The following STON2 variants were observed in gnomAD, a reference collection of about 807,000 sequenced individuals.
STON2 encodes stonin 2, also known as stonin-2.
Under a neutral mutation model 65.7 loss-of-function variants are expected in STON2, and 29 were observed. The ratio of observed to expected loss-of-function variants is 0.44; its 90% CI spans 0.33 to 0.60. The LOEUF (loss-of-function observed/expected upper bound fraction) is 0.60, where lower values mean the gene tolerates loss of function less well. STON2 is among the 20% of genes least tolerant of loss of function. The pLI is 0.03. For missense variants in STON2, 1,054 were observed against 1,118.1 expected, an observed-to-expected ratio of 0.94 and a Z score of 0.82; for synonymous variants, 404 against 414.2, an observed-to-expected ratio of 0.98 and a Z score of 0.30.
intron 4 of STON2, among the ~76,000 whole-genome samples, chr14:81,362,838 T>C (rs549773796): frequency 2.6e-5 from 4 of 152,270 alleles, no homozygotes; most frequent in South Asian, 4.2e-4. Context: ...ATAATTTCAA[T>C]GTGCCAGGCA....
At chr14:81,298,069 G>A (rs1273421176) in intron 5 of STON2, among the ~76,000 whole-genome samples, 1 of 152,116 alleles carries the variant, frequency 6.6e-6, no homozygotes, top group East Asian at 1.9e-4. Flanking sequence ...GATATTTATT[G>A]CCATGCACAT....
At chr14:81,431,860 C>T (rs562689291) in intron 1 of STON2, among the ~76,000 whole-genome samples, 44 of 151,936 alleles carry the variant, frequency 2.9e-4, no homozygotes, top group Middle Eastern at 3.4e-3. Flanking sequence ...CAGGAGAATC[C>T]CTTGAACCTG....
At chr14:81,270,984 C>T (rs1266504449) in intron 6 of STON2, 112 bp from the exon 7 acceptor site, 5 of 1,405,262 alleles carry the variant, frequency 3.6e-6, no homozygotes, top group Non-Finnish European at 3.7e-6. Context: ...CACCCGGCAG[C>T]CTTTCAGAGG....
intron 4 of STON2, among the ~76,000 whole-genome samples, chr14:81,370,113 T>C (rs1898917902): frequency 6.6e-6 from 1 of 152,168 alleles, no homozygotes; most frequent in Non-Finnish European, 1.5e-5. Flanking sequence ...TCTCTATACT[T>C]GTAGAATTGA....
At chr14:81,357,805 G>A (rs1412375965) in intron 4 of STON2, among the ~76,000 whole-genome samples, 14 of 148,884 alleles carry the variant, frequency 9.4e-5, no homozygotes, top group African/African-American at 3.0e-4. Context: ...ACCAAACACC[G>A]CATATTCTCA....
At chr14:81,354,111 A>G (rs1566923205) in intron 4 of STON2, among the ~76,000 whole-genome samples, 1 of 152,214 alleles carries the variant, frequency 6.6e-6, no homozygotes, top group Admixed American at 6.5e-5. Flanking sequence ...TCTAGCTGCT[A>G]AACTCAAAGA....
At chr14:81,356,248 T>G (rs987672723) in intron 4 of STON2, among the ~76,000 whole-genome samples, 2 of 152,162 alleles carry the variant, frequency 1.3e-5, no homozygotes, top group African/African-American at 4.8e-5. Flanking sequence ...AGGCCTTTTC[T>G]GCATCTATTG....
intron 3 of STON2, among the ~76,000 whole-genome samples, chr14:81,385,623 C>T (rs941523806): frequency 1.3e-5 from 2 of 152,182 alleles, no homozygotes; most frequent in African/African-American, 4.8e-5. Flanking sequence ...GGGCGCCATC[C>T]TTCAAGTTCT....
At chr14:81,332,580 T>C (rs2140271533) in intron 4 of STON2, among the ~76,000 whole-genome samples, 1 of 152,342 alleles carries the variant, frequency 6.6e-6, no homozygotes, top group African/African-American at 2.4e-5. Context: ...CTCAGTGCCT[T>C]GAACTTACTG....
At chr14:81,307,693 A>G (rs1896235882) in intron 5 of STON2, among the ~76,000 whole-genome samples, 1 of 152,226 alleles carries the variant, frequency 6.6e-6, no homozygotes, top group African/African-American at 2.4e-5. Flanking sequence ...AGCCTACTCA[A>G]TGTGAAGGAG....
intron 5 of STON2, among the ~76,000 whole-genome samples, chr14:81,319,836 C>T (rs1896758627): frequency 6.6e-6 from 1 of 152,142 alleles, no homozygotes; most frequent in African/African-American, 2.4e-5. Context: ...TTTAATAGAA[C>T]CCCTCCATCC....
chr14:81,374,001 T>A (rs1292381481), intron 3 of STON2, among the ~76,000 whole-genome samples: 1 of 109,598 alleles, frequency 9.1e-6, no homozygotes, highest in African/African-American at 3.7e-5. Context: ...AATAATGCCT[T>A]TTTTTTTTTT....
chr14:81,371,018 T>G lies in STON2; in HGVS notation c.541A>C (p.Ser181Arg), dbSNP rs1417322209. 7 of 1,613,112 alleles carry G rather than the reference T, an allele frequency of 4.3e-6. No individual in the cohort carries two copies. The East Asian group carries it at 1.6e-4, about 36-fold the overall frequency. ...GAGTCAGCCCCAGAAGCCTGGCCACTCGTCTGCTCCTCAGCATTGATGAGC... is the reference window on the plus strand; with the variant it reads ...GAGTCAGCCCCAGAAGCCTGGCCACGCGTCTGCTCCTCAGCATTGATGAGC... Reference protein sequence around the residue: ...LQLINAEEQTSGQASGADSTD... With the variant: ...LQLINAEEQTRGQASGADSTD... Residue 181 changes from serine (S) to arginine (R), a missense_variant, in exon 4 of 8, where the codon AGT (serine) becomes CGT (arginine). By Grantham distance (110) the Ser-to-Arg change is moderately radical. Coordinates refer to ENST00000614646, the MANE Select transcript of STON2 (RefSeq NM_001394390.1).
chr14:81,427,574 T>G (rs1425621597), intron 1 of STON2, among the ~76,000 whole-genome samples: 2 of 152,098 alleles, frequency 1.3e-5, no homozygotes, highest in Non-Finnish European at 2.9e-5. Context: ...CTGGCTGTGT[T>G]GCAGACAGCA....
chr14:81,316,750 G>A lies in STON2; in HGVS notation c.742+7267C>T, dbSNP rs575067847. Among the ~76,000 whole-genome samples, 204 of 152,324 alleles carry A rather than the reference G, an allele frequency of 1.3e-3. 1 individual carries two copies. Among genetic ancestry groups the A allele is most frequent in the African/African-American group, 4.8e-3 (200 of 41,572 alleles). ...AAGAAAGGAGGTTTGGCCGGGCGTGGTGGCTCACGCCTGTAATACCAGCAC... is the reference window on the plus strand; with the variant it reads ...AAGAAAGGAGGTTTGGCCGGGCGTGATGGCTCACGCCTGTAATACCAGCAC... On this transcript the variant is annotated intron_variant, in intron 5 of 7. Transcript: ENST00000614646.
chr14:81,265,218 A>T lies in STON2; in HGVS notation c.*3196T>A, dbSNP rs1894310537. ...TGTATTTTCTTTAGAAGTTATTTAA[A>T]CCTAGTAAAACACTCATTACGTCTA... On this transcript the variant is annotated 3_prime_UTR_variant, in exon 8 of 8. Coordinates refer to ENST00000614646, the MANE Select transcript of STON2 (RefSeq NM_001394390.1). 31 of 984,176 alleles carry T rather than the reference A, an allele frequency of 3.1e-5. No homozygotes were observed. Among genetic ancestry groups the T allele is most frequent in the Non-Finnish European group, 3.7e-5 (31 of 828,814 alleles). 61.0% of individuals were successfully genotyped at this position (984,176 alleles called of 1,614,324 possible). A position where few individuals can be genotyped will look rare whatever the true frequency, so the allele number is the denominator to read the frequency against.
In STON2 at chr14:81,270,773, A is replaced by G. The variant is rs775887412; in HGVS notation, c.2681T>C (p.Met894Thr). 3 of 1,614,060 alleles carry G rather than the reference A, an allele frequency of 1.9e-6. No homozygotes were observed. The highest frequency in any genetic ancestry group is 1.7e-5 in the Admixed American group (1 of 60,002). The change falls in exon 7 of 8, where the codon ATG becomes ACG. Residue 894 changes from methionine (M) to threonine (T), a missense_variant. By Grantham distance (81) the Met-to-Thr change is moderately conservative. Coordinates refer to ENST00000614646, the MANE Select transcript of STON2 (RefSeq NM_001394390.1). ...GGCTTTGGAGGCAGAAGTTGTGGGC[A>G]TGCTGAACTCGACATTCACGTGATT... is the stretch of plus-strand genomic sequence containing the variant. The part of the protein sequence containing the change: ...FANHVNVEFS[M>T]PTTSASKASV...
intron 5 of STON2, among the ~76,000 whole-genome samples, chr14:81,289,358 GA>G (rs570184653): frequency 1.7e-3 from 261 of 152,254 alleles, no homozygotes; most frequent in African/African-American, 6.1e-3. Context: ...GCAATAGTTA[GA>G]AGACAGAAAA....
intron 5 of STON2, among the ~76,000 whole-genome samples, chr14:81,294,353 C>A (rs888442461): frequency 2.6e-5 from 4 of 152,114 alleles, no homozygotes; most frequent in African/African-American, 9.7e-5. Context: ...CTAGGTCAAC[C>A]TAGGCATAAA....
Sources: allele counts gnomAD v4.1 joint callset (sites outside exome capture counted in the v4.1 genomes callset), GRCh38; gene constraint gnomAD v4.1.1; transcripts MANE v1.5; gene names NCBI Gene and HGNC (gene_info 2026-07-23, HGNC 2026-07-21).